The following SGK3 variants were observed in gnomAD, a reference collection of about 807,000 sequenced individuals.
SGK3 encodes serum/glucocorticoid regulated kinase family member 3, also known as serine/threonine-protein kinase Sgk3.
A neutral mutation model predicts 68.5 loss-of-function variants in SGK3; 47 were observed. That is an observed-to-expected ratio of 0.69 (90% confidence interval 0.54 to 0.87). The LOEUF is 0.87. Ranked by LOEUF, SGK3 falls within the 40% of genes least tolerant of loss-of-function variation. The pLI, the probability that SGK3 is intolerant of heterozygous loss-of-function variation, is 0.00. For synonymous variants in SGK3, 181 were observed against 189.1 expected (o/e 0.96, Z 0.35); for missense variants, 479 against 575.5 (o/e 0.83, Z 1.72).
In SGK3 at chr8:66,859,776, T is replaced by A; in HGVS notation, c.*195T>A. Reference sequence around the variant, plus strand: ...TTCAAAGAGCTGTTTTGATTAAAATTTATATTCTTGTTTAATAAGCTTATT... The same window carrying A: ...TTCAAAGAGCTGTTTTGATTAAAATATATATTCTTGTTTAATAAGCTTATT... On this transcript the variant is annotated 3_prime_UTR_variant, in exon 17 of 17. Coordinates refer to ENST00000521198, the MANE Select transcript of SGK3 (RefSeq NM_001033578.3). The A allele has an allele frequency of 3.6e-6, 2 of 554,750 alleles. No homozygotes were observed. Among genetic ancestry groups the A allele is most frequent in the South Asian group, 5.6e-5 (1 of 17,884 alleles). The allele number at this position is 554,750 out of a possible 1,614,324, so 34.4% of individuals were successfully genotyped here. A position where few individuals can be genotyped will look rare whatever the true frequency, so the allele number is the denominator to read the frequency against.
At chr8:66,843,993 CAAAAAAAAAAAA>C (rs11311018) in intron 14 of SGK3, among the ~76,000 whole-genome samples, 9 of 71,396 alleles carry the variant, frequency 1.3e-4, no homozygotes, top group Admixed American at 3.8e-4. Context: ...GACTCTGTCT[CAAAAAAAAAAAA>C]AAAAAAAAAA....
At chr8:66,855,514 A>T (rs7820420) in intron 16 of SGK3, among the ~76,000 whole-genome samples, 4,312 of 152,206 alleles carry the variant, frequency 0.028, 115 homozygotes, top group African/African-American at 0.054. Flanking sequence ...ACTACATAAG[A>T]TTTTAGTATA....
intron 16 of SGK3, among the ~76,000 whole-genome samples, chr8:66,851,864 G>A (rs1810302105): frequency 6.6e-6 from 1 of 152,102 alleles, no homozygotes; most frequent in Admixed American, 6.6e-5. Context: ...TATACACTTT[G>A]TATGTGTTAT....
At chr8:66,851,306 G>A (rs1287210566) in intron 16 of SGK3, among the ~76,000 whole-genome samples, 1 of 152,040 alleles carries the variant, frequency 6.6e-6, no homozygotes, top group Non-Finnish European at 1.5e-5. Context: ...TTGAGGCCAG[G>A]AGTTCAAAAC....
At chr8:66,817,796 TAAAA>T (rs1808654705) in intron 5 of SGK3, among the ~76,000 whole-genome samples, 1 of 152,046 alleles carries the variant, frequency 6.6e-6, no homozygotes, top group Non-Finnish European at 1.5e-5. Flanking sequence ...TATCACAAAG[TAAAA>T]CAATGAAAAA....
chr8:66,743,251 G>A (rs1805534225), intron 1 of SGK3, among the ~76,000 whole-genome samples: 1 of 152,184 alleles, frequency 6.6e-6, no homozygotes, highest in South Asian at 2.1e-4. Context: ...ATATAAAAAA[G>A]AGATAATATT....
chr8:66,753,021 T>C (rs1367063323), intron 1 of SGK3, among the ~76,000 whole-genome samples: 1 of 152,080 alleles, frequency 6.6e-6, no homozygotes, highest in Non-Finnish European at 1.5e-5. Flanking sequence ...TGGCCAGAAG[T>C]TACAGATTTC....
At chr8:66,751,405 T>G (rs1029709785) in intron 1 of SGK3, among the ~76,000 whole-genome samples, 3 of 152,224 alleles carry the variant, frequency 2.0e-5, no homozygotes, top group African/African-American at 4.8e-5. Context: ...GTTATGAGCT[T>G]CTTAAAATAC....
At chr8:66,819,487 A>G (rs540165218) in intron 5 of SGK3, among the ~76,000 whole-genome samples, 2 of 152,352 alleles carry the variant, frequency 1.3e-5, no homozygotes, top group South Asian at 4.1e-4. Context: ...TGGAAGAATC[A>G]TTGAGTAATT....
At chr8:66,787,186 CCCT>C (rs1488928914) in intron 1 of SGK3, among the ~76,000 whole-genome samples, 1 of 152,036 alleles carries the variant, frequency 6.6e-6, no homozygotes, top group African/African-American at 2.4e-5. Flanking sequence ...TCATGACCTG[CCCT>C]CCTCAGCCTC....
intron 1 of SGK3, among the ~76,000 whole-genome samples, chr8:66,727,940 A>G (rs1303243203): frequency 6.6e-6 from 1 of 152,218 alleles, no homozygotes; most frequent in Non-Finnish European, 1.5e-5. Flanking sequence ...GACAGAATAA[A>G]CCCACAGCAT....
At chr8:66,759,995 C>T (rs1337826276) in intron 1 of SGK3, among the ~76,000 whole-genome samples, 1 of 152,146 alleles carries the variant, frequency 6.6e-6, no homozygotes, top group Non-Finnish European at 1.5e-5. Context: ...CAATCTACTA[C>T]AACCGCTTAC....
chr8:66,804,435 A>G lies in SGK3; in HGVS notation c.241A>G (p.Asn81Asp). The G allele has an allele frequency of 6.2e-7, 1 of 1,612,528 alleles. No homozygotes were observed. Among genetic ancestry groups the G allele is most frequent in the Non-Finnish European group, 8.5e-7 (1 of 1,179,424 alleles). Residue 81 changes from asparagine to aspartate, a missense_variant, in exon 4 of 17, where the codon AAT becomes GAT. This residue lies in a region of SGK3 where 298 missense variants were observed against 329.4 expected (regional missense o/e 0.90). Transcript: ENST00000521198. ...TCCTGCCAAGAGAATATTTGGTGATAATTTTGATCCAGGTAAGAAACAACT... is the reference window on the plus strand; with the variant it reads ...TCCTGCCAAGAGAATATTTGGTGATGATTTTGATCCAGGTAAGAAACAACT... ...KIPAKRIFGD[N>D]FDPDFIKQRR...
At chr8:66,756,204 C>G (rs1805968084) in intron 1 of SGK3, among the ~76,000 whole-genome samples, 1 of 152,102 alleles carries the variant, frequency 6.6e-6, no homozygotes, top group Non-Finnish European at 1.5e-5. Flanking sequence ...GGAGAGGAGG[C>G]TCAGGAGAGA....
At position 66,808,469 on chromosome 8, in the gene SGK3, A is replaced by G. The variant is rs192211673; in HGVS notation, c.253+4022A>G. On this transcript the variant is annotated intron_variant, in intron 4 of 16. Transcript: ENST00000521198. ...AACCAAGATTTTAAGCAGAAGAGGA[A>G]AGTGATACAAACAAAATCAAAGATT... Among the ~76,000 whole-genome samples the G allele has an allele frequency of 5.2e-4, 79 of 152,314 alleles. 1 individual carries two copies. Among genetic ancestry groups the G allele is most frequent in the African/African-American group, 1.5e-3 (63 of 41,574 alleles).
rs1809874393 is a variant in SGK3 at position 66,843,445 on chromosome 8, T to C, written c.979-7T>C. ...GACTTGCTCTAATATTTTATTGTTT[T>C]CTATAGTATCTTGCACCTGAAGTAA... On this transcript the variant is annotated splice_polypyrimidine_tract_variant and splice_region_variant and intron_variant, in intron 13 of 16. Coordinates refer to ENST00000521198, the MANE Select transcript of SGK3 (RefSeq NM_001033578.3). 1 of 1,609,198 alleles carries C rather than the reference T, an allele frequency of 6.2e-7. No individual in the cohort carries two copies. Among genetic ancestry groups the C allele is most frequent in the Non-Finnish European group, 8.5e-7 (1 of 1,178,486 alleles).
intron 1 of SGK3, among the ~76,000 whole-genome samples, chr8:66,747,822 C>T (rs1287658908): frequency 6.6e-6 from 1 of 152,140 alleles, no homozygotes; most frequent in Non-Finnish European, 1.5e-5. Flanking sequence ...AAACTTTTAG[C>T]CACTTAGTAA....
intron 1 of SGK3, among the ~76,000 whole-genome samples, chr8:66,780,009 CAGAT>C (rs1005052438): frequency 3.3e-5 from 5 of 151,990 alleles, no homozygotes; most frequent in Non-Finnish European, 5.9e-5. Flanking sequence ...AGTGTGTTAT[CAGAT>C]AGAATCATTC....
At chr8:66,800,395 T>TA (rs1250399147) in intron 3 of SGK3, among the ~76,000 whole-genome samples, 1 of 147,630 alleles carries the variant, frequency 6.8e-6, no homozygotes, top group East Asian at 1.9e-4. Context: ...TTTTTTTTTT[T>TA]TTTATTATAC....
Sources: gnomAD v4.1 joint callset for allele counts (sites outside exome capture counted in the v4.1 genomes callset) on GRCh38, gnomAD v4.1.1 for gene constraint, gnomAD v4.1.1 regional missense constraint, MANE v1.5 for transcripts, NCBI Gene and HGNC (gene_info 2026-07-23, HGNC 2026-07-21) for gene names.